Variants in WDFY2 observed in about 807,000 individuals in gnomAD.
WDFY2 encodes WD repeat and FYVE domain containing 2, also known as WD repeat and FYVE domain-containing protein 2.
A neutral mutation model predicts 56.4 loss-of-function variants in WDFY2; 36 were observed. That is an observed-to-expected ratio of 0.64 (90% CI 0.49 to 0.84). The LOEUF (loss-of-function observed/expected upper bound fraction) is 0.84, where lower values mean the gene tolerates loss of function less well. Ranked by LOEUF, WDFY2 falls within the 40% of genes least tolerant of loss-of-function variation. The probability of loss-of-function intolerance (pLI) is 0.00; values close to 1 mark genes in which losing one functional copy is unlikely to be tolerated. For missense variants in WDFY2, 444 were observed against 512.2 expected, an observed-to-expected ratio of 0.87 and a Z score of 1.29; for synonymous variants, 176 against 183.7, an observed-to-expected ratio of 0.96 and a Z score of 0.34.
intron 6 of WDFY2, among the ~76,000 whole-genome samples, chr13:51,733,255 T>C (rs1372572944): frequency 6.6e-6 from 1 of 152,214 alleles, no homozygotes; most frequent in Admixed American, 6.5e-5. Context: ...CAGGCTGGTC[T>C]TGAACTCCTG....
chr13:51,685,643 G>C (rs1956049296), intron 3 of WDFY2, among the ~76,000 whole-genome samples: 1 of 152,164 alleles, frequency 6.6e-6, no homozygotes, highest in Non-Finnish European at 1.5e-5. Context: ...TATTCACGTT[G>C]AGTAGGCTGC....
chr13:51,683,566 CA>C (rs966235451), intron 3 of WDFY2, among the ~76,000 whole-genome samples: 1 of 152,208 alleles, frequency 6.6e-6, no homozygotes, highest in East Asian at 1.9e-4. Flanking sequence ...TTGACAACAG[CA>C]GAGTCATGAA....
rs1211102984 is a variant in WDFY2 at position 51,760,780 on chromosome 13, C to T, written c.*1011C>T. The T allele has an allele frequency of 6.6e-6, 1 of 152,322 alleles. No homozygotes were observed. Among genetic ancestry groups the T allele is most frequent in the Admixed American group, 6.5e-5 (1 of 15,288 alleles). The allele number at this position is 152,322 out of a possible 1,614,324, so 9.4% of individuals were successfully genotyped here. ...ACCTAAATCCCTCGCATGCGCAGTT[C>T]ACAATAGAGTTTCTGCTCCTGTGAG... On this transcript the variant is annotated 3_prime_UTR_variant, in exon 12 of 12. Coordinates refer to ENST00000298125, the MANE Select transcript of WDFY2 (RefSeq NM_052950.4).
chr13:51,664,176 A>C (rs929821272), intron 2 of WDFY2, among the ~76,000 whole-genome samples: 1 of 152,192 alleles, frequency 6.6e-6, no homozygotes, highest in Non-Finnish European at 1.5e-5. Context: ...GTTGCAGACA[A>C]GAGAAAGAAG....
chr13:51,650,067 A>G (rs1422422030), intron 1 of WDFY2, among the ~76,000 whole-genome samples: 2 of 151,866 alleles, frequency 1.3e-5, no homozygotes, highest in Admixed American at 6.6e-5. Context: ...ATGTTCTTCC[A>G]TTTGTTTGTG....
chr13:51,600,183 A>G (rs149232862), intron 1 of WDFY2, among the ~76,000 whole-genome samples: 51 of 152,324 alleles, frequency 3.3e-4, no homozygotes, highest in African/African-American at 1.2e-3. Context: ...TTGAAACAAT[A>G]TAGGTTTGTG....
At chr13:51,751,254 G>A in intron 7 of WDFY2, 56 bp from the exon 8 acceptor site, 1 of 1,568,060 alleles carries the variant, frequency 6.4e-7, no homozygotes, top group Non-Finnish European at 8.7e-7. Flanking sequence ...GGTTTCTGCT[G>A]CGAGGCCTTG....
intron 4 of WDFY2, among the ~76,000 whole-genome samples, chr13:51,713,643 C>T (rs1277995629): frequency 2.6e-5 from 4 of 151,962 alleles, no homozygotes; most frequent in African/African-American, 7.3e-5. Flanking sequence ...GAGGCCAAGG[C>T]GGGTGGATCA....
chr13:51,756,178 C>T (rs868650167), intron 9 of WDFY2, among the ~76,000 whole-genome samples, 154 bp from the exon 10 acceptor site: 2 of 152,210 alleles, frequency 1.3e-5, no homozygotes, highest in Non-Finnish European at 2.9e-5. Flanking sequence ...GAGAAGAACA[C>T]ATCCAATGTG....
intron 1 of WDFY2, among the ~76,000 whole-genome samples, chr13:51,643,687 C>A (rs1005847809): frequency 2.0e-5 from 3 of 152,152 alleles, no homozygotes; most frequent in Admixed American, 2.0e-4. Context: ...CCTGTCCAGC[C>A]TCCATGATCT....
intron 1 of WDFY2, chr13:51,593,979 C>G (rs1290350301): frequency 6.6e-6 from 1 of 152,214 alleles, no homozygotes; most frequent in Non-Finnish European, 1.5e-5. Flanking sequence ...GAGGCACATT[C>G]CCACTACTGA....
chr13:51,699,604 T>A (rs1951942499), intron 3 of WDFY2, among the ~76,000 whole-genome samples: 1 of 152,170 alleles, frequency 6.6e-6, no homozygotes, highest in Non-Finnish European at 1.5e-5. Context: ...GCTCATAGTG[T>A]AATGAACATA....
chr13:51,699,797 A>G (rs894178048), intron 3 of WDFY2, among the ~76,000 whole-genome samples: 15 of 152,242 alleles, frequency 9.9e-5, no homozygotes, highest in African/African-American at 3.6e-4. Context: ...AAGACATTAA[A>G]TGTACATAAT....
At chr13:51,648,560 T>A (rs1955306188) in intron 1 of WDFY2, among the ~76,000 whole-genome samples, 1 of 152,074 alleles carries the variant, frequency 6.6e-6, no homozygotes, top group African/African-American at 2.4e-5. Flanking sequence ...CTAGTAGAAC[T>A]TTGATATAAA....
At chr13:51,623,605 G>A (rs997209300) in intron 1 of WDFY2, among the ~76,000 whole-genome samples, 2 of 152,018 alleles carry the variant, frequency 1.3e-5, no homozygotes, top group African/African-American at 2.4e-5. Context: ...TTTTTTACAA[G>A]TAGCCTCTCA....
chr13:51,647,380 A>C (rs895842907), intron 1 of WDFY2, among the ~76,000 whole-genome samples: 1 of 152,232 alleles, frequency 6.6e-6, no homozygotes, highest in African/African-American at 2.4e-5. Context: ...AACTATACTG[A>C]ATAATGTAGG....
At chr13:51,675,044 T>C (rs1955863023) in intron 2 of WDFY2, 126 bp from the exon 3 acceptor site, 2 of 774,818 alleles carry the variant, frequency 2.6e-6, no homozygotes, top group South Asian at 3.3e-5. Flanking sequence ...TGAGTGGATG[T>C]TAAATGAAAT....
At chr13:51,593,433 A>T (rs1319288294) in intron 1 of WDFY2, among the ~76,000 whole-genome samples, 1 of 152,056 alleles carries the variant, frequency 6.6e-6, no homozygotes, top group African/African-American at 2.4e-5. Context: ...TTTTTTGATT[A>T]TTTCTTTAGG....
At chr13:51,649,905 T>C (rs12875281) in intron 1 of WDFY2, among the ~76,000 whole-genome samples, 1 of 152,168 alleles carries the variant, frequency 6.6e-6, no homozygotes, top group Admixed American at 6.5e-5. Flanking sequence ...ATGCGGGCTC[T>C]TTTTTGGTTC....
Sources: allele counts gnomAD v4.1 joint callset (sites outside exome capture counted in the v4.1 genomes callset), GRCh38; gene constraint gnomAD v4.1.1; transcripts MANE v1.5; gene names NCBI Gene and HGNC (gene_info 2026-07-23, HGNC 2026-07-21).